Variants in ROBO2 observed in about 807,000 individuals in gnomAD.
The protein encoded by ROBO2 is roundabout guidance receptor 2, also known as roundabout homolog 2.
A neutral mutation model predicts 160.8 loss-of-function variants in ROBO2; 53 were observed. That is an observed-to-expected ratio of 0.33 (90% CI 0.26 to 0.41). The LOEUF (loss-of-function observed/expected upper bound fraction) is 0.41. ROBO2 is among the 10% of genes least tolerant of loss of function. The pLI is 1.00. For missense variants in ROBO2, 1,577 were observed against 1,722.4 expected (o/e 0.92, Z 1.49); for synonymous variants, 664 against 611.7 (o/e 1.09, Z -1.26).
chr3:76,371,352 T>C (rs1051567676), intron 2 of ROBO2, among the ~76,000 whole-genome samples: 1 of 151,992 alleles, frequency 6.6e-6, no homozygotes, highest in African/African-American at 2.4e-5. Context: ...ATGTACATAA[T>C]TGTATATGAG....
At chr3:76,246,249 T>C (rs564607500) in intron 2 of ROBO2, among the ~76,000 whole-genome samples, 2 of 152,240 alleles carry the variant, frequency 1.3e-5, no homozygotes, top group Non-Finnish European at 2.9e-5. Flanking sequence ...AAATGAAATA[T>C]TGACTGAGTT....
chr3:76,428,347 T>A (rs1280697106), intron 2 of ROBO2, among the ~76,000 whole-genome samples: 1 of 152,204 alleles, frequency 6.6e-6, no homozygotes, highest in Non-Finnish European at 1.5e-5. Flanking sequence ...TATTGTATAT[T>A]TTTTATATTG....
At chr3:76,113,368 G>A (rs2070324405) in intron 2 of ROBO2, among the ~76,000 whole-genome samples, 1 of 151,958 alleles carries the variant, frequency 6.6e-6, no homozygotes, top group South Asian at 2.1e-4. Flanking sequence ...AAAATATCAA[G>A]CTGATTATAC....
At chr3:77,214,523 C>A (rs570573472) in intron 2 of ROBO2, among the ~76,000 whole-genome samples, 18 of 152,288 alleles carry the variant, frequency 1.2e-4, no homozygotes, top group African/African-American at 4.1e-4. Flanking sequence ...TGGGTCTTGA[C>A]TCTTTATCGA....
chr3:77,383,748 TTTAA>T (rs10557190), intron 2 of ROBO2, among the ~76,000 whole-genome samples: 75,807 of 151,518 alleles, frequency 0.5, 19,024 homozygotes, highest in Admixed American at 0.57. Flanking sequence ...AAACTTAAGA[TTTAA>T]TTAACATTTT....
intron 2 of ROBO2, among the ~76,000 whole-genome samples, chr3:76,420,607 T>C (rs1329031247): frequency 1.3e-5 from 2 of 152,210 alleles, no homozygotes; most frequent in Non-Finnish European, 2.9e-5. Flanking sequence ...CATATAATTT[T>C]ATATAGATCC....
chr3:76,687,940 G>C (rs2092718565), intron 2 of ROBO2, among the ~76,000 whole-genome samples: 2 of 151,866 alleles, frequency 1.3e-5, no homozygotes, highest in Non-Finnish European at 2.9e-5. Flanking sequence ...CTATGGGTTT[G>C]TATATATTGG....
At chr3:77,610,555 G>T (rs1294640157) in intron 21 of ROBO2, among the ~76,000 whole-genome samples, 1 of 151,728 alleles carries the variant, frequency 6.6e-6, no homozygotes, top group Non-Finnish European at 1.5e-5. Flanking sequence ...ACAAATAATA[G>T]AAAAACATTT....
intron 13 of ROBO2, among the ~76,000 whole-genome samples, chr3:77,574,240 T>C (rs983929361): frequency 6.6e-6 from 1 of 151,992 alleles, no homozygotes; most frequent in Non-Finnish European, 1.5e-5. Context: ...ATTAATTAGG[T>C]TGGTATCTTA....
intron 2 of ROBO2, among the ~76,000 whole-genome samples, chr3:77,149,130 G>T (rs938484745): frequency 2.6e-5 from 4 of 151,390 alleles, no homozygotes; most frequent in African/African-American, 9.7e-5. Context: ...CTGCCCCCTG[G>T]GTTCAAGCGA....
intron 2 of ROBO2, among the ~76,000 whole-genome samples, chr3:76,871,651 G>A (rs2072104580): frequency 6.6e-6 from 1 of 152,026 alleles, no homozygotes; most frequent in Admixed American, 6.5e-5. Context: ...AATTTATACA[G>A]ATAAAACATA....
intron 2 of ROBO2, among the ~76,000 whole-genome samples, chr3:76,431,991 G>C (rs905438867): frequency 6.6e-6 from 1 of 152,194 alleles, no homozygotes; most frequent in Admixed American, 6.5e-5. Context: ...AGAGGCTGTT[G>C]CTTAGAAGCA....
At chr3:76,238,825 C>T (rs1705118514) in intron 2 of ROBO2, among the ~76,000 whole-genome samples, 1 of 152,206 alleles carries the variant, frequency 6.6e-6, no homozygotes. Context: ...GATTATAGTT[C>T]AAGATGAGAT....
chr3:76,585,592 A>T (rs562029519), intron 2 of ROBO2, among the ~76,000 whole-genome samples: 8 of 152,322 alleles, frequency 5.3e-5, no homozygotes, highest in South Asian at 2.1e-4. Flanking sequence ...TTTTGAGAAC[A>T]ACTGATATAA....
chr3:77,615,277 C>A (rs2094746165), intron 21 of ROBO2, among the ~76,000 whole-genome samples: 1 of 152,122 alleles, frequency 6.6e-6, no homozygotes, highest in African/African-American at 2.4e-5. Flanking sequence ...TTGATAGCCT[C>A]CCCAACTATC....
intron 2 of ROBO2, among the ~76,000 whole-genome samples, chr3:77,239,677 G>C (rs2088672442): frequency 6.6e-6 from 1 of 152,148 alleles, no homozygotes; most frequent in South Asian, 2.1e-4. Flanking sequence ...GCTGATTGGT[G>C]TATTTACAAT....
At chr3:76,510,079 G>T (rs143431470) in intron 2 of ROBO2, among the ~76,000 whole-genome samples, 1 of 152,240 alleles carries the variant, frequency 6.6e-6, no homozygotes, top group Non-Finnish European at 1.5e-5. Flanking sequence ...ACATGTGCAG[G>T]CTGGACATGC....
At chr3:77,451,570 T>C (rs1446685331) in intron 2 of ROBO2, among the ~76,000 whole-genome samples, 3 of 152,070 alleles carry the variant, frequency 2.0e-5, no homozygotes, top group Admixed American at 2.0e-4. Context: ...TTTTATTTAA[T>C]ATATATTAAG....
intron 2 of ROBO2, among the ~76,000 whole-genome samples, chr3:77,234,097 CT>C (rs944195640): frequency 1.3e-5 from 2 of 152,146 alleles, no homozygotes; most frequent in African/African-American, 4.8e-5. Context: ...AGCTTTGGGA[CT>C]TTGGGTTTTT....
Sources: allele counts gnomAD v4.1 joint callset (sites outside exome capture counted in the v4.1 genomes callset), GRCh38; gene constraint gnomAD v4.1.1; transcripts MANE v1.5; gene names NCBI Gene and HGNC (gene_info 2026-07-23, HGNC 2026-07-21).